FYB1: variants seen among roughly 807,000 people sequenced by gnomAD.
FYB1 encodes the protein FYN binding protein 1.
A neutral mutation model predicts 94.1 loss-of-function variants in FYB1; 41 were observed. The observed-to-expected ratio is 0.44, with a 90% confidence interval of 0.34 to 0.57. The LOEUF (loss-of-function observed/expected upper bound fraction) is 0.57, where lower values mean the gene tolerates loss of function less well. FYB1 is among the 20% of genes least tolerant of loss of function. The probability of loss-of-function intolerance (pLI) is 0.02; values close to 1 mark genes in which losing one functional copy is unlikely to be tolerated. For missense variants in FYB1, 1,050 were observed against 976.8 expected (o/e 1.07, Z -1.00); for synonymous variants, 367 against 353.2 (o/e 1.04, Z -0.44).
At chr5:39,213,715 T>G (rs1019670965) in intron 1 of FYB1, among the ~76,000 whole-genome samples, 13 of 152,052 alleles carry the variant, frequency 8.5e-5, no homozygotes, top group African/African-American at 3.1e-4. Flanking sequence ...ATATTAGGGC[T>G]TTTTTAGCCC....
chr5:39,176,745 T>A (rs1224628358), intron 2 of FYB1, among the ~76,000 whole-genome samples: 1 of 152,210 alleles, frequency 6.6e-6, no homozygotes, highest in African/African-American at 2.4e-5. Context: ...AGGCTTTTTG[T>A]TAAAAGTAAA....
chr5:39,121,450 G>T (rs1217387301), intron 14 of FYB1, among the ~76,000 whole-genome samples: 7 of 152,100 alleles, frequency 4.6e-5, no homozygotes, highest in East Asian at 1.9e-4. Flanking sequence ...AACAATTTTG[G>T]TAAAAAATAA....
intron 1 of FYB1, among the ~76,000 whole-genome samples, chr5:39,248,513 C>G (rs1050339147): frequency 6.6e-6 from 1 of 151,982 alleles, no homozygotes; most frequent in African/African-American, 2.4e-5. Flanking sequence ...ACCTCGAAGA[C>G]GTAATGCTAA....
At chr5:39,248,056 C>A (rs1303430520) in intron 1 of FYB1, among the ~76,000 whole-genome samples, 1 of 152,072 alleles carries the variant, frequency 6.6e-6, no homozygotes, top group African/African-American at 2.4e-5. Context: ...TACTCTTGAC[C>A]ACTTTCTGGG....
At chr5:39,267,760 G>C (rs1489531451) in intron 1 of FYB1, among the ~76,000 whole-genome samples, 3 of 152,190 alleles carry the variant, frequency 2.0e-5, no homozygotes, top group Non-Finnish European at 4.4e-5. Flanking sequence ...TATATAGTAA[G>C]AAACTTAAAG....
In FYB1 at chr5:39,166,919, GA is replaced by G. The variant is rs915876281; in HGVS notation, c.1136-13316del. On this transcript the variant is annotated intron_variant, in intron 2 of 18. Coordinates refer to ENST00000512982, the MANE Select transcript of FYB1 (RefSeq NM_001465.6). ...CTTCATTACTACACACGGTATCCAT[GA>G]AAAAAAACCCCTGCACTTTATCCCT... Among the ~76,000 whole-genome samples, 7 of 151,148 alleles carry G rather than the reference GA, an allele frequency of 4.6e-5. No homozygotes were observed. In the East Asian group the frequency reaches 7.8e-4, roughly 17 times the overall value.
rs747878173 is a variant in FYB1, at chr5:39,107,416, A to G, written c.*27T>C. The G allele has an allele frequency of 1.6e-5, 24 of 1,511,264 alleles. No individual in the cohort carries two copies. Among genetic ancestry groups the G allele is most frequent in the Middle Eastern group, 3.4e-4 (2 of 5,874 alleles). 93.6% of individuals were successfully genotyped at this position (1,511,264 alleles called of 1,614,324 possible). A position where few individuals can be genotyped will look rare whatever the true frequency, so the allele number is the denominator to read the frequency against. ...CAGACTTCACATTGGCACCTAATGA[A>G]CACAGCAGAATGACCAAAGTTGAGT... On this transcript the variant is annotated 3_prime_UTR_variant, in exon 19 of 19. Coordinates refer to ENST00000512982, the MANE Select transcript of FYB1 (RefSeq NM_001465.6).
At chr5:39,129,418 C>T (rs997714233) in intron 10 of FYB1, among the ~76,000 whole-genome samples, 1 of 151,790 alleles carries the variant, frequency 6.6e-6, no homozygotes, top group African/African-American at 2.4e-5. Flanking sequence ...TCATGACTAA[C>T]ACCCCAAAAG....
At chr5:39,249,491 A>G (rs1397321082) in intron 1 of FYB1, among the ~76,000 whole-genome samples, 2 of 152,212 alleles carry the variant, frequency 1.3e-5, no homozygotes. Flanking sequence ...TGACCCCTGC[A>G]CTTGGCCTTT....
chr5:39,172,844 C>T (rs1463021240), intron 2 of FYB1, among the ~76,000 whole-genome samples: 1 of 152,068 alleles, frequency 6.6e-6, no homozygotes, highest in Non-Finnish European at 1.5e-5. Flanking sequence ...TTATCCAATC[C>T]ACTGTTGATG....
intron 2 of FYB1, chr5:39,170,190 G>T: frequency 1.2e-6 from 1 of 800,538 alleles, no homozygotes; most frequent in Non-Finnish European, 2.2e-6. Context: ...TTGAACTTCT[G>T]TGAAGTTCAG....
At chr5:39,162,151 G>A (rs902664354) in intron 2 of FYB1, among the ~76,000 whole-genome samples, 1 of 152,154 alleles carries the variant, frequency 6.6e-6, no homozygotes, top group African/African-American at 2.4e-5. Flanking sequence ...GAACGTTAAT[G>A]TATGTCTTCG....
intron 2 of FYB1, among the ~76,000 whole-genome samples, chr5:39,163,003 T>G (rs1744397951): frequency 6.6e-6 from 1 of 152,226 alleles, no homozygotes. Context: ...TGGTATTTGA[T>G]ATAATACAGA....
intron 3 of FYB1, among the ~76,000 whole-genome samples, chr5:39,150,978 A>G (rs769562959): frequency 5.9e-5 from 9 of 151,770 alleles, no homozygotes; most frequent in Non-Finnish European, 7.4e-5. Context: ...TGCAATCTCT[A>G]TCATGGCTTA....
At chr5:39,139,082 C>A in intron 5 of FYB1, 151 bp downstream of exon 5, 1 of 836,018 alleles carries the variant, frequency 1.2e-6, no homozygotes. Context: ...ACATCTTAAG[C>A]ATTTTAGATG....
rs1309012644 is a variant in FYB1, at chr5:39,134,276, G to A, written c.1749C>T (p.Ala583=). Residue 583 remains alanine (A), a synonymous_variant, in exon 9 of 19, where the codon GCC becomes GCT. Coordinates refer to ENST00000512982, the MANE Select transcript of FYB1 (RefSeq NM_001465.6). ...GGTCATCTTCAATAGGTCTTGAAGG[G>A]GCACCAAGAGAGTCTTTTTTCAGTT... ...SLKLKKDSLG[A]PSRPIEDDQE... 11 of 1,608,046 alleles carry A rather than the reference G, an allele frequency of 6.8e-6. No homozygotes were observed. The highest frequency in any genetic ancestry group is 9.4e-6 in the Non-Finnish European group (11 of 1,174,762).
At chr5:39,122,429 T>C in intron 13 of FYB1, 27 bp from the exon 14 acceptor site, 1 of 1,355,586 alleles carries the variant, frequency 7.4e-7, no homozygotes, top group Non-Finnish European at 1.0e-6. Flanking sequence ...TATCAAAGGT[T>C]GAAACACTGT....
chr5:39,173,095 C>A (rs1025405994), intron 2 of FYB1, among the ~76,000 whole-genome samples: 17 of 152,198 alleles, frequency 1.1e-4, no homozygotes, highest in South Asian at 6.2e-4. Flanking sequence ...CTTTTCTCTG[C>A]AGCCTTTTCA....
In FYB1 at chr5:39,189,688, C is replaced by G. The variant is rs183115171; in HGVS notation, c.1135+12138G>C. ...GTGAGCTACAGGGAGAAGGCAGGAG[C>G]CTGAGTTACAAAATACCTGCTGTTT... On this transcript the variant is annotated intron_variant, in intron 2 of 18. Coordinates refer to ENST00000512982, the MANE Select transcript of FYB1 (RefSeq NM_001465.6). Among the ~76,000 whole-genome samples the G allele has an allele frequency of 3.7e-4, 56 of 152,260 alleles. No individual in the cohort carries two copies. The East Asian group carries it at 6.6e-3, about 18-fold the overall frequency.
Sources: allele counts gnomAD v4.1 joint callset (sites outside exome capture counted in the v4.1 genomes callset), GRCh38; gene constraint gnomAD v4.1.1; transcripts MANE v1.5; gene names NCBI Gene and HGNC (gene_info 2026-07-23, HGNC 2026-07-21).